WDFY3: variants seen among roughly 807,000 people sequenced by gnomAD.
WDFY3 encodes WD repeat and FYVE domain-containing protein 3.
WDFY3 carries 66 observed loss-of-function variants against 409.6 expected under a neutral mutation model. The observed-to-expected ratio is 0.16, with a 90% CI of 0.13 to 0.20. The LOEUF is 0.20. Ranked by LOEUF, WDFY3 falls within the 10% of genes least tolerant of loss-of-function variation. The pLI is 1.00. For missense variants in WDFY3, 3,031 were observed against 4,298.1 expected, an observed-to-expected ratio of 0.71 and a Z score of 8.24; for synonymous variants, 1,521 against 1,537.1, an observed-to-expected ratio of 0.99 and a Z score of 0.25.
chr4:84,871,279 A>C (rs924165157), intron 3 of WDFY3, among the ~76,000 whole-genome samples: 1 of 152,180 alleles, frequency 6.6e-6, no homozygotes, highest in Non-Finnish European at 1.5e-5. Flanking sequence ...AACAAGGATA[A>C]AAATTATAGT....
chr4:84,715,493 G>A (rs986097665), intron 49 of WDFY3, 110 bp from the exon 50 acceptor site: 32 of 637,982 alleles, frequency 5.0e-5, no homozygotes, highest in African/African-American at 9.4e-5. Flanking sequence ...GTTAATCTGC[G>A]GCCGGGCGCG....
intron 2 of WDFY3, among the ~76,000 whole-genome samples, chr4:84,920,281 C>T (rs534542587): frequency 1.3e-5 from 2 of 152,032 alleles, no homozygotes; most frequent in South Asian, 2.1e-4. Context: ...AATTAGAAAA[C>T]GGAAGATTAA....
intron 62 of WDFY3, among the ~76,000 whole-genome samples, chr4:84,686,239 G>A (rs993987743): frequency 1.3e-5 from 2 of 152,124 alleles, no homozygotes; most frequent in Non-Finnish European, 2.9e-5. Flanking sequence ...CCGGGAGGTG[G>A]AGCTTGCATT....
chr4:84,897,540 G>A (rs1765802553), intron 2 of WDFY3, among the ~76,000 whole-genome samples: 1 of 152,016 alleles, frequency 6.6e-6, no homozygotes, highest in African/African-American at 2.4e-5. Flanking sequence ...ACGCCACCAT[G>A]CCTGGCTAAT....
In WDFY3 at chr4:84,794,754, A is replaced by G; in HGVS notation, c.3269-17T>C. 1 of 1,584,100 alleles carries G rather than the reference A, an allele frequency of 6.3e-7. No individual in the cohort carries two copies. The highest frequency in any genetic ancestry group is 8.6e-7 in the Non-Finnish European group (1 of 1,168,136). ...ATCTTTCACCTACAGTAAAAATTAA[A>G]AAAAAAAGTCTGTGTTGATTAATAT... On this transcript the variant is annotated splice_polypyrimidine_tract_variant and intron_variant, in intron 20 of 67. Coordinates refer to ENST00000295888, the MANE Select transcript of WDFY3 (RefSeq NM_014991.6).
At position 84,830,531 on chromosome 4, in the gene WDFY3, TG is replaced by T. The variant is rs1469043530; in HGVS notation, c.769+881del. ...TATTTTCAAATTATGATGGGTTTAT[TG>T]GGACATAACCCCACCATAAATTGAG... is the stretch of plus-strand genomic sequence containing the variant. On this transcript the variant is annotated intron_variant, in intron 8 of 67. Transcript: ENST00000295888. 3.3e-5 allele frequency among the ~76,000 whole-genome samples: 5 copies of T among 152,364 alleles called. No individual in the cohort carries two copies. The East Asian group carries it at 9.6e-4, about 29-fold the overall frequency.
At chr4:84,873,277 G>A (rs756080454) in intron 3 of WDFY3, among the ~76,000 whole-genome samples, 5 of 152,120 alleles carry the variant, frequency 3.3e-5, no homozygotes, top group African/African-American at 4.8e-5. Flanking sequence ...CACACTCTGT[G>A]CTATAAACAC....
rs1742717904 is a variant in WDFY3, at chr4:84,762,057, A to T, written c.5188+3753T>A. Among the ~76,000 whole-genome samples, 5 of 152,172 alleles carry T rather than the reference A, an allele frequency of 3.3e-5. No homozygotes were observed. In the South Asian group the frequency reaches 1.0e-3, roughly 32 times the overall value. On this transcript the variant is annotated intron_variant, in intron 32 of 67. Coordinates refer to ENST00000295888, the MANE Select transcript of WDFY3 (RefSeq NM_014991.6). Reference sequence around the variant, plus strand: ...AACCATTGTGGAAGTCAGTGTGGTGATTCCTCAGGGATCTAGAACTAGAAA... The same window carrying T: ...AACCATTGTGGAAGTCAGTGTGGTGTTTCCTCAGGGATCTAGAACTAGAAA...
chr4:84,935,962 C>A (rs1771349559), intron 1 of WDFY3, among the ~76,000 whole-genome samples: 1 of 152,130 alleles, frequency 6.6e-6, no homozygotes, highest in Non-Finnish European at 1.5e-5. Context: ...CATTTTGACC[C>A]TGACATTTTA....
chr4:84,858,791 G>C (rs975780080), intron 4 of WDFY3, among the ~76,000 whole-genome samples: 1 of 151,888 alleles, frequency 6.6e-6, no homozygotes, highest in Non-Finnish European at 1.5e-5. Flanking sequence ...GGGGTGAGGG[G>C]GTGGGTGTGG....
At chr4:84,738,862 G>T in intron 40 of WDFY3, 148 bp downstream of exon 40, 1 of 649,892 alleles carries the variant, frequency 1.5e-6, no homozygotes, top group Non-Finnish European at 2.7e-6. Context: ...ACTGTTATTG[G>T]CATGAGGAGA....
intron 24 of WDFY3, among the ~76,000 whole-genome samples, chr4:84,783,848 A>G (rs1280993163): frequency 1.4e-5 from 2 of 147,788 alleles, no homozygotes; most frequent in Admixed American, 6.8e-5. Flanking sequence ...TTAGATATGT[A>G]TATGTGTCAT....
At chr4:84,685,377 CTCT>C (rs1262197378) in intron 62 of WDFY3, among the ~76,000 whole-genome samples, 2 of 152,196 alleles carry the variant, frequency 1.3e-5, no homozygotes, top group Non-Finnish European at 2.9e-5. Context: ...CACCCCCTAG[CTCT>C]TCTTCTACCA....
chr4:84,681,964 A>G (rs1727427474), intron 64 of WDFY3, among the ~76,000 whole-genome samples: 1 of 152,214 alleles, frequency 6.6e-6, no homozygotes, highest in African/African-American at 2.4e-5. Context: ...TTGTTTACAA[A>G]CACAATTGTA....
intron 47 of WDFY3, 70 bp downstream of exon 47, chr4:84,721,339 A>G (rs2149085522): frequency 6.4e-7 from 1 of 1,571,082 alleles, no homozygotes; most frequent in South Asian, 1.2e-5. Context: ...CAGCTACCCT[A>G]TCAACTCATC....
At chr4:84,755,141 G>A (rs1212961144) in intron 34 of WDFY3, 125 bp downstream of exon 34, 1 of 1,372,974 alleles carries the variant, frequency 7.3e-7, no homozygotes, top group Non-Finnish European at 9.9e-7. Flanking sequence ...TAACATAAGA[G>A]TCTGAAGTTC....
At chr4:84,702,035 G>C (rs898856526) in intron 56 of WDFY3, among the ~76,000 whole-genome samples, 1 of 152,174 alleles carries the variant, frequency 6.6e-6, no homozygotes, top group Non-Finnish European at 1.5e-5. Flanking sequence ...TAGAGACGGA[G>C]TCTCGCTCTG....
At chr4:84,944,733 A>C (rs1278085977) in intron 1 of WDFY3, among the ~76,000 whole-genome samples, 1 of 152,134 alleles carries the variant, frequency 6.6e-6, no homozygotes, top group Non-Finnish European at 1.5e-5. Flanking sequence ...GGCAGGTTGC[A>C]GTGAGCCGAG....
intron 9 of WDFY3, among the ~76,000 whole-genome samples, chr4:84,828,569 T>G (rs1369556205): frequency 6.6e-6 from 1 of 152,216 alleles, no homozygotes; most frequent in Non-Finnish European, 1.5e-5. Context: ...AATTTAACTC[T>G]AAATTCACTT....
Sources: gnomAD v4.1 joint callset for allele counts (sites outside exome capture counted in the v4.1 genomes callset) on GRCh38, gnomAD v4.1.1 for gene constraint, MANE v1.5 for transcripts, NCBI Gene and HGNC (gene_info 2026-07-23, HGNC 2026-07-21) for gene names.